The following DRC11 variants were observed in gnomAD, a reference collection of about 807,000 sequenced individuals.
DRC11 encodes dynein regulatory complex subunit 11, also known as IQ and AAA domain-containing protein 1.
chr2:236,409,129 C>CA, the DRC11 span: 3 of 377,246 alleles, frequency 8.0e-6, no homozygotes. Flanking sequence ...TTTTTTGAGA[C>CA]AGAGTCTCCC....
the DRC11 span, among the ~76,000 whole-genome samples, chr2:236,334,928 C>T: frequency 5.6e-4 from 85 of 152,088 alleles, 1 homozygote; most frequent in Middle Eastern, 0.027. The surrounding 1 kb of genome is among the most constrained non-coding windows in gnomAD (Gnocchi z 7.8). Context: ...AACGGAAGCC[C>T]GAAGGGATTT....
At chr2:236,429,330 G>A in the DRC11 span, among the ~76,000 whole-genome samples, 1 of 152,240 alleles carries the variant, frequency 6.6e-6, no homozygotes, top group East Asian at 1.9e-4. This position sits in a 1 kb window ranked among gnomAD's most constrained non-coding sequence, Gnocchi z 5.9. Context: ...CATAATTGCA[G>A]AGGCCAGCTG....
At chr2:236,487,763 A>G in the DRC11 span, among the ~76,000 whole-genome samples, 1 of 152,368 alleles carries the variant, frequency 6.6e-6, no homozygotes. Context: ...GGTCTTTAAC[A>G]ATATTTGAAT....
chr2:236,485,495 T>C, the DRC11 span, among the ~76,000 whole-genome samples: 1 of 152,332 alleles, frequency 6.6e-6, no homozygotes, highest in East Asian at 1.9e-4. Flanking sequence ...AGGTCAATGC[T>C]GGAATGAGGC....
At chr2:236,325,149 T>C in the DRC11 span, among the ~76,000 whole-genome samples, 2 of 152,142 alleles carry the variant, frequency 1.3e-5, no homozygotes, top group Admixed American at 6.5e-5. This position sits in a 1 kb window ranked among gnomAD's most constrained non-coding sequence, Gnocchi z 4.4. Context: ...CAGTAAACAA[T>C]GGGCGGCCAT....
chr2:236,343,718 T>C, the DRC11 span: 1 of 1,304,188 alleles, frequency 7.7e-7, no homozygotes, highest in Non-Finnish European at 1.0e-6. The surrounding 1 kb of genome is among the most constrained non-coding windows in gnomAD (Gnocchi z 6.6). Context: ...GTGGACCTTT[T>C]CAAGTTTTTC....
the DRC11 span, among the ~76,000 whole-genome samples, chr2:236,335,487 T>C: frequency 0.39 from 59,125 of 152,044 alleles, 12,071 homozygotes; most frequent in African/African-American, 0.49. This position sits in a 1 kb window ranked among gnomAD's most constrained non-coding sequence, Gnocchi z 5.6. Context: ...GGTGGAGGGA[T>C]GCTTTCTCTC....
At chr2:236,473,579 T>A in the DRC11 span, among the ~76,000 whole-genome samples, 1 of 152,190 alleles carries the variant, frequency 6.6e-6, no homozygotes, top group African/African-American at 2.4e-5. This position sits in a 1 kb window ranked among gnomAD's most constrained non-coding sequence, Gnocchi z 4.8. Flanking sequence ...CAGGGTAACA[T>A]AAAATATATG....
At chr2:236,417,258 C>T in the DRC11 span, among the ~76,000 whole-genome samples, 1 of 152,128 alleles carries the variant, frequency 6.6e-6, no homozygotes, top group African/African-American at 2.4e-5. Context: ...CTCCCTTGCT[C>T]GTAACTTCTA....
At chr2:236,369,839 T>A in the DRC11 span, among the ~76,000 whole-genome samples, 1 of 151,988 alleles carries the variant, frequency 6.6e-6, no homozygotes, top group African/African-American at 2.4e-5. The surrounding 1 kb of genome is among the most constrained non-coding windows in gnomAD (Gnocchi z 4.5). Flanking sequence ...GGCACAGACA[T>A]CAGATCTTCC....
chr2:236,357,637 T>A, the DRC11 span, among the ~76,000 whole-genome samples: 1 of 93,984 alleles, frequency 1.1e-5, no homozygotes, highest in Admixed American at 1.2e-4. Context: ...ATGCATATAA[T>A]ATGTAAATAT....
At chr2:236,378,856 C>G in the DRC11 span, among the ~76,000 whole-genome samples, 1,549 of 152,202 alleles carry the variant, frequency 0.01, 29 homozygotes, top group African/African-American at 0.036. Flanking sequence ...AGACTCAAAA[C>G]GCTGACCAGC....
the DRC11 span, among the ~76,000 whole-genome samples, chr2:236,327,747 A>T: frequency 6.6e-6 from 1 of 151,802 alleles, no homozygotes; most frequent in Non-Finnish European, 1.5e-5. Flanking sequence ...CAATGGCATG[A>T]TCTTGGCTCA....
chr2:236,437,747 G>C, the DRC11 span, among the ~76,000 whole-genome samples: 1 of 152,176 alleles, frequency 6.6e-6, no homozygotes, highest in Non-Finnish European at 1.5e-5. Flanking sequence ...CTTCTTTTGA[G>C]AAGTGTCTGT....
At chr2:236,462,295 C>T in the DRC11 span, among the ~76,000 whole-genome samples, 4 of 152,026 alleles carry the variant, frequency 2.6e-5, no homozygotes, top group African/African-American at 7.3e-5. This position sits in a 1 kb window ranked among gnomAD's most constrained non-coding sequence, Gnocchi z 6.4. Flanking sequence ...CCTGGGGACA[C>T]GTGGCAGAAA....
At chr2:236,347,835 G>A in the DRC11 span, among the ~76,000 whole-genome samples, 1 of 149,470 alleles carries the variant, frequency 6.7e-6, no homozygotes, top group African/African-American at 2.5e-5. Flanking sequence ...AATACCACCT[G>A]TACCCCCAAT....
chr2:236,347,848 C>T, the DRC11 span, among the ~76,000 whole-genome samples: 64 of 145,626 alleles, frequency 4.4e-4, no homozygotes, highest in Non-Finnish European at 8.6e-4. Flanking sequence ...CCCCCAATAA[C>T]TTACGGCAAA....
the DRC11 span, among the ~76,000 whole-genome samples, chr2:236,500,110 GATGATGA>G: frequency 3.3e-5 from 5 of 150,794 alleles, no homozygotes; most frequent in Admixed American, 2.6e-4. This position sits in a 1 kb window ranked among gnomAD's most constrained non-coding sequence, Gnocchi z 6.3. Context: ...TGATGATGAT[GATGATGA>G]TGGCGAAGGT....
chr2:236,465,494 C>T, the DRC11 span: 3 of 1,611,090 alleles, frequency 1.9e-6, no homozygotes, highest in Non-Finnish European at 2.5e-6. This position sits in a 1 kb window ranked among gnomAD's most constrained non-coding sequence, Gnocchi z 6.2. Context: ...CACGATGTAG[C>T]TCATGTTCAC....
Sources: allele counts gnomAD v4.1 joint callset (sites outside exome capture counted in the v4.1 genomes callset), GRCh38; gene constraint gnomAD v4.1.1; non-coding constraint Gnocchi (gnomAD v3.1); transcripts MANE v1.5; gene names NCBI Gene and HGNC (gene_info 2026-07-23, HGNC 2026-07-21).